TMEM200A: variants seen among roughly 807,000 people sequenced by gnomAD.
TMEM200A encodes transmembrane protein 200A, also known as two transmembrane C.
Under a neutral mutation model 24.3 loss-of-function variants are expected in TMEM200A, and 12 were observed. The observed-to-expected ratio is 0.49, with a 90% CI of 0.32 to 0.80. The LOEUF (loss-of-function observed/expected upper bound fraction) is 0.80. Among genes scored for constraint, TMEM200A ranks in the 30% least tolerant of loss-of-function variants. The pLI is 0.04. For missense variants in TMEM200A, 545 were observed against 614.4 expected (o/e 0.89, Z 1.19); for synonymous variants, 224 against 224.4 (o/e 1.00, Z 0.02).
Position 130,442,078 on chromosome 6 carries a change from C to T in TMEM200A, c.*180C>T, listed in dbSNP as rs532109526. ...GTTTGGGTTACTTGTGACTGCAGTA[C>T]TCTATGTTACCACACATGATTTTAT... On this transcript the variant is annotated 3_prime_UTR_variant, in exon 3 of 3. Coordinates refer to ENST00000296978, the MANE Select transcript of TMEM200A (RefSeq NM_001258277.2). 15 of 521,458 alleles carry T rather than the reference C, an allele frequency of 2.9e-5. No individual in the cohort carries two copies. The South Asian group carries it at 5.8e-4, about 20-fold the overall frequency. The allele number at this position is 521,458 out of a possible 1,614,324, so 32.3% of individuals were successfully genotyped here.
intron 2 of TMEM200A, among the ~76,000 whole-genome samples, chr6:130,436,661 T>TTTTTTTTTTTTTG: frequency 8.3e-6 from 1 of 120,748 alleles, no homozygotes; most frequent in South Asian, 2.6e-4. Flanking sequence ...TTTTTTTTTT[T>TTTTTTTTTTTTTG]TCAGAGAGAC....
At chr6:130,371,990 C>G (rs1440879383) in intron 1 of TMEM200A, among the ~76,000 whole-genome samples, 4 of 152,192 alleles carry the variant, frequency 2.6e-5, no homozygotes, top group Non-Finnish European at 5.9e-5. Context: ...CATTATAATT[C>G]CAGAAGGGTA....
At position 130,413,516 on chromosome 6, in the gene TMEM200A, C is replaced by A. The variant is rs1583210318; in HGVS notation, c.-16-26891C>A. 2.0e-5 allele frequency among the ~76,000 whole-genome samples: 3 copies of A among 152,162 alleles called. No individual in the cohort carries two copies. In the East Asian group the frequency reaches 5.8e-4, roughly 29 times the overall value. ...ATGTCAATAAATGGCACAGCCATCCCCCCCACTAGAGATCTGGAAATTCCC... is the reference window on the plus strand; with the variant it reads ...ATGTCAATAAATGGCACAGCCATCCACCCCACTAGAGATCTGGAAATTCCC... On this transcript the variant is annotated intron_variant, in intron 2 of 2. Transcript: ENST00000296978.
intron 2 of TMEM200A, among the ~76,000 whole-genome samples, chr6:130,414,213 C>T (rs939157437): frequency 6.6e-6 from 1 of 152,050 alleles, no homozygotes; most frequent in African/African-American, 2.4e-5. Flanking sequence ...GTGTGGATCA[C>T]TTGAGGTCAG....
chr6:130,386,718 A>G (rs1430058264), intron 2 of TMEM200A, among the ~76,000 whole-genome samples: 5 of 152,224 alleles, frequency 3.3e-5, no homozygotes, highest in South Asian at 2.1e-4. Flanking sequence ...TCCGACAAAC[A>G]AACCAAAAAA....
At chr6:130,376,749 G>A (rs555901042) in intron 1 of TMEM200A, among the ~76,000 whole-genome samples, 3 of 152,002 alleles carry the variant, frequency 2.0e-5, no homozygotes, top group East Asian at 3.9e-4. Context: ...TATAATCATC[G>A]TCTTCCTCAC....
chr6:130,385,901 C>T (rs937813310), intron 2 of TMEM200A, among the ~76,000 whole-genome samples: 2 of 152,036 alleles, frequency 1.3e-5, no homozygotes, highest in Non-Finnish European at 2.9e-5. Flanking sequence ...GTTGAGAAAA[C>T]GATCCTTAAG....
intron 2 of TMEM200A, among the ~76,000 whole-genome samples, chr6:130,435,673 C>A (rs1048078263): frequency 6.6e-6 from 1 of 152,154 alleles, no homozygotes; most frequent in Non-Finnish European, 1.5e-5. Context: ...CTGAGAGGGA[C>A]AACAGGATTT....
At chr6:130,409,169 C>G (rs941910548) in intron 2 of TMEM200A, among the ~76,000 whole-genome samples, 1 of 152,146 alleles carries the variant, frequency 6.6e-6, no homozygotes, top group African/African-American at 2.4e-5. Context: ...TTTTCCTGCA[C>G]CCTCTTTTCT....
At chr6:130,420,840 CTTG>C (rs1779565244) in intron 2 of TMEM200A, among the ~76,000 whole-genome samples, 1 of 152,120 alleles carries the variant, frequency 6.6e-6, no homozygotes, top group Admixed American at 6.6e-5. Flanking sequence ...AAATCCCACG[CTTG>C]TTGTCTTTCC....
At chr6:130,414,645 G>T (rs991987432) in intron 2 of TMEM200A, among the ~76,000 whole-genome samples, 3 of 152,088 alleles carry the variant, frequency 2.0e-5, no homozygotes, top group African/African-American at 4.8e-5. Flanking sequence ...TTCAGTACAA[G>T]AATATATGCA....
chr6:130,400,695 A>G (rs1012610171), intron 2 of TMEM200A, among the ~76,000 whole-genome samples: 3 of 151,908 alleles, frequency 2.0e-5, no homozygotes, highest in African/African-American at 7.2e-5. Context: ...TACTTCATGG[A>G]GAGTTTAACT....
In TMEM200A at chr6:130,440,543, A is replaced by G. The variant is rs751478491; in HGVS notation, c.121A>G (p.Arg41Gly). Residue 41 changes from arginine (R) to glycine (G), a missense_variant, in exon 3 of 3, where the codon AGG becomes GGG. Transcript: ENST00000296978. ...SPATQEKKPI[R>G]RRPRADVVVV... is the part of the protein sequence containing the mutation. ...TGCTACCCAAGAGAAGAAGCCCATCAGGCGCCGGCCCCGGGCAGATGTTGT... is the reference window on the plus strand; with the variant it reads ...TGCTACCCAAGAGAAGAAGCCCATCGGGCGCCGGCCCCGGGCAGATGTTGT... 1.9e-6 allele frequency: 3 copies of G among 1,614,118 alleles called. No individual in the cohort carries two copies. Among genetic ancestry groups the G allele is most frequent in the African/African-American group, 2.7e-5 (2 of 75,052 alleles).
intron 2 of TMEM200A, among the ~76,000 whole-genome samples, chr6:130,432,005 A>G (rs1435995666): frequency 6.6e-6 from 1 of 152,214 alleles, no homozygotes; most frequent in Non-Finnish European, 1.5e-5. Flanking sequence ...TATACTGAAT[A>G]TTGAGAAACA....
chr6:130,414,248 A>G (rs1409842194), intron 2 of TMEM200A, among the ~76,000 whole-genome samples: 1 of 152,072 alleles, frequency 6.6e-6, no homozygotes, highest in Non-Finnish European at 1.5e-5. Context: ...CCTGGCCAAC[A>G]TGGTGAAACC....
intron 1 of TMEM200A, among the ~76,000 whole-genome samples, chr6:130,370,277 G>C (rs1778288853): frequency 6.6e-6 from 1 of 152,090 alleles, no homozygotes; most frequent in Non-Finnish European, 1.5e-5. Context: ...AAATCTCCTT[G>C]AAGGGCTCTG....
intron 2 of TMEM200A, 104 bp from the exon 3 acceptor site, chr6:130,440,303 C>T: frequency 8.9e-6 from 11 of 1,229,380 alleles, no homozygotes; most frequent in Non-Finnish European, 1.1e-5. Context: ...CATGAAACTG[C>T]AACAGCAACA....
chr6:130,370,072 A>G (rs2115063758), intron 1 of TMEM200A, among the ~76,000 whole-genome samples: 1 of 152,330 alleles, frequency 6.6e-6, no homozygotes, highest in East Asian at 1.9e-4. Flanking sequence ...TGGAACTCAG[A>G]GACTTACACA....
intron 1 of TMEM200A, among the ~76,000 whole-genome samples, chr6:130,371,395 C>A (rs1313051418): frequency 6.6e-6 from 1 of 152,154 alleles, no homozygotes; most frequent in Non-Finnish European, 1.5e-5. Context: ...GGCCATTAAG[C>A]AGTACAGCTG....
Sources: gnomAD v4.1 joint callset for allele counts (sites outside exome capture counted in the v4.1 genomes callset) on GRCh38, gnomAD v4.1.1 for gene constraint, MANE v1.5 for transcripts, NCBI Gene and HGNC (gene_info 2026-07-23, HGNC 2026-07-21) for gene names.